The following GALNTL6 variants were observed in gnomAD, a reference collection of about 807,000 sequenced individuals.
GALNTL6 encodes the protein polypeptide N-acetylgalactosaminyltransferase like 6, also known as polypeptide N-acetylgalactosaminyltransferase-like 6.
Under a neutral mutation model 73.7 loss-of-function variants are expected in GALNTL6, and 46 were observed. The observed-to-expected ratio is 0.62, with a 90% CI of 0.49 to 0.80. The LOEUF (loss-of-function observed/expected upper bound fraction) is 0.80, where lower values mean the gene tolerates loss of function less well. Among genes scored for constraint, GALNTL6 ranks in the 30% least tolerant of loss-of-function variants. The pLI, the probability that GALNTL6 is intolerant of heterozygous loss-of-function variation, is 0.00. For synonymous variants in GALNTL6, 259 were observed against 263.7 expected, an observed-to-expected ratio of 0.98 and a Z score of 0.17; for missense variants, 604 against 755.0, an observed-to-expected ratio of 0.80 and a Z score of 2.34.
chr4:172,454,471 G>C (rs1732320432), intron 5 of GALNTL6, among the ~76,000 whole-genome samples: 1 of 152,182 alleles, frequency 6.6e-6, no homozygotes, highest in South Asian at 2.1e-4. Context: ...AGATGCATGA[G>C]GTACATAGAT....
chr4:171,843,861 G>T (rs1385669471), intron 2 of GALNTL6, among the ~76,000 whole-genome samples: 1 of 152,100 alleles, frequency 6.6e-6, no homozygotes, highest in African/African-American at 2.4e-5. Flanking sequence ...AATTAGTGCT[G>T]ATTTTCTATT....
At chr4:173,032,503 T>C (rs942952705) in intron 12 of GALNTL6, among the ~76,000 whole-genome samples, 1 of 146,760 alleles carries the variant, frequency 6.8e-6, no homozygotes, top group African/African-American at 2.5e-5. Context: ...CTGGGCAACA[T>C]GGCAAAACCC....
At chr4:172,536,845 G>A (rs768287711) in intron 5 of GALNTL6, among the ~76,000 whole-genome samples, 50 of 152,150 alleles carry the variant, frequency 3.3e-4, no homozygotes, top group Non-Finnish European at 4.9e-4. Context: ...TTAATGAGGA[G>A]CCAAATGCTA....
At position 172,348,690 on chromosome 4, in the gene GALNTL6, G is replaced by T; in HGVS notation, c.553+1G>T. ...CTAGTAGATGACTTCAGTGAGAGAG[G>T]TAAGATACAGTTGATAACATTTTAT... On this transcript the variant is annotated splice_donor_variant, in intron 5 of 12. Coordinates refer to ENST00000506823, the MANE Select transcript of GALNTL6 (RefSeq NM_001034845.3). LOFTEE classifies it high-confidence loss of function. 3 of 1,594,132 alleles carry T rather than the reference G, an allele frequency of 1.9e-6. No homozygotes were observed. Among genetic ancestry groups the T allele is most frequent in the Non-Finnish European group, 2.6e-6 (3 of 1,166,606 alleles).
intron 2 of GALNTL6, among the ~76,000 whole-genome samples, chr4:172,211,766 A>G (rs1434078221): frequency 6.6e-6 from 1 of 152,196 alleles, no homozygotes; most frequent in Non-Finnish European, 1.5e-5. Flanking sequence ...GTGTCAGTTA[A>G]AAGGGCATTC....
chr4:172,516,585 G>T (rs749368855), intron 5 of GALNTL6, among the ~76,000 whole-genome samples: 1 of 151,756 alleles, frequency 6.6e-6, no homozygotes, highest in Non-Finnish European at 1.5e-5. Context: ...AAACCGTATG[G>T]GTGTTCCTTA....
intron 2 of GALNTL6, among the ~76,000 whole-genome samples, chr4:172,216,015 T>G (rs1736486586): frequency 6.6e-6 from 1 of 152,166 alleles, no homozygotes; most frequent in South Asian, 2.1e-4. Flanking sequence ...TATCTGTTCA[T>G]ATGTTATATA....
chr4:172,317,933 A>G (rs770991834), intron 4 of GALNTL6, among the ~76,000 whole-genome samples: 41 of 152,312 alleles, frequency 2.7e-4, no homozygotes, highest in Non-Finnish European at 4.4e-4. Flanking sequence ...ATGCACTCCA[A>G]TTAGGTGTGA....
intron 12 of GALNTL6, among the ~76,000 whole-genome samples, chr4:173,030,813 A>G (rs1165701028): frequency 6.7e-6 from 1 of 150,126 alleles, no homozygotes; most frequent in Non-Finnish European, 1.5e-5. Flanking sequence ...CAGCATGGGC[A>G]ACATGGTGAA....
chr4:172,059,138 T>C (rs1307832564), intron 2 of GALNTL6, among the ~76,000 whole-genome samples: 1 of 152,210 alleles, frequency 6.6e-6, no homozygotes, highest in African/African-American at 2.4e-5. Flanking sequence ...GATCATCTCC[T>C]TGGAGAAGGA....
intron 8 of GALNTL6, among the ~76,000 whole-genome samples, chr4:172,915,196 A>T (rs1441793399): frequency 1.3e-5 from 2 of 152,238 alleles, no homozygotes; most frequent in East Asian, 1.9e-4. Flanking sequence ...GTTCTTTGAA[A>T]CCAATGAGAA....
intron 5 of GALNTL6, among the ~76,000 whole-genome samples, chr4:172,424,889 A>T (rs2111369149): frequency 9.0e-6 from 1 of 110,682 alleles, no homozygotes; most frequent in African/African-American, 3.4e-5. Context: ...AATGACTAGA[A>T]ATTTTAGTCA....
Position 172,128,031 on chromosome 4 carries a change from G to T in GALNTL6, c.139-101625G>T, listed in dbSNP as rs542758468. Among the ~76,000 whole-genome samples the T allele has an allele frequency of 2.2e-3, 337 of 152,066 alleles. 2 individuals carry two copies. The highest frequency in any genetic ancestry group is 0.015 in the South Asian group (71 of 4,796). ...GAGGCAGGAGAATCGCTTGAACTTGGGGGTGAAGGTTGCAGTGCACCGAGA... is the reference window on the plus strand; with the variant it reads ...GAGGCAGGAGAATCGCTTGAACTTGTGGGTGAAGGTTGCAGTGCACCGAGA... On this transcript the variant is annotated intron_variant, in intron 2 of 12. Coordinates refer to ENST00000506823, the MANE Select transcript of GALNTL6 (RefSeq NM_001034845.3).
rs1257473016 is a variant in GALNTL6, at chr4:172,780,128, TAAAG to T, written c.554-29232_554-29229del. ...GGTTTATTCTTGGCTTTTTTTTTTT[TAAAG>T]TAGTGCAAGCTGCTAGGTAGTGAAG... On this transcript the variant is annotated intron_variant, in intron 5 of 12. Transcript: ENST00000506823. 1.7e-4 allele frequency among the ~76,000 whole-genome samples: 26 copies of T among 150,396 alleles called. No homozygotes were observed. The East Asian group carries it at 4.9e-3, about 28-fold the overall frequency.
intron 5 of GALNTL6, among the ~76,000 whole-genome samples, chr4:172,536,971 T>A (rs1735366184): frequency 1.3e-5 from 2 of 152,216 alleles, no homozygotes; most frequent in African/African-American, 4.8e-5. Flanking sequence ...CAGACTTGCA[T>A]GGGACTTGTA....
chr4:172,480,669 T>C (rs1033261809), intron 5 of GALNTL6, among the ~76,000 whole-genome samples: 1 of 152,208 alleles, frequency 6.6e-6, no homozygotes, highest in Non-Finnish European at 1.5e-5. Flanking sequence ...TGTATTATTG[T>C]TCATGAGTTT....
chr4:172,744,539 A>T (rs183912228), intron 5 of GALNTL6, among the ~76,000 whole-genome samples: 1 of 152,232 alleles, frequency 6.6e-6, no homozygotes, highest in East Asian at 1.9e-4. Context: ...GGTTCTGGTC[A>T]CCAGATCTAG....
intron 7 of GALNTL6, among the ~76,000 whole-genome samples, chr4:172,856,076 A>G (rs1344096369): frequency 1.3e-5 from 2 of 152,226 alleles, no homozygotes; most frequent in Non-Finnish European, 2.9e-5. Context: ...AATGCCAGCC[A>G]TCTATTGAAA....
chr4:172,048,595 T>C (rs942417487), intron 2 of GALNTL6, among the ~76,000 whole-genome samples: 2 of 152,310 alleles, frequency 1.3e-5, no homozygotes, highest in African/African-American at 2.4e-5. Flanking sequence ...AAAAGTATTA[T>C]GTAGATTATA....
Sources: allele counts gnomAD v4.1 joint callset (sites outside exome capture counted in the v4.1 genomes callset), GRCh38; gene constraint gnomAD v4.1.1; transcripts MANE v1.5; gene names NCBI Gene and HGNC (gene_info 2026-07-23, HGNC 2026-07-21).